TBCEL: variants seen among roughly 807,000 people sequenced by gnomAD.
TBCEL encodes the protein tubulin-specific chaperone cofactor E-like protein.
Under a neutral mutation model 44.2 loss-of-function variants are expected in TBCEL, and 15 were observed. The observed-to-expected ratio is 0.34, with a 90% confidence interval of 0.23 to 0.52. TBCEL has a LOEUF of 0.52. Among genes scored for constraint, TBCEL ranks in the 20% least tolerant of loss-of-function variants. TBCEL has a pLI of 0.95. For synonymous variants in TBCEL, 171 were observed against 185.4 expected (o/e 0.92, Z 0.63); for missense variants, 319 against 506.3 (o/e 0.63, Z 3.55).
chr11:121,048,197 A>C (rs558295043), intron 4 of TBCEL, among the ~76,000 whole-genome samples: 1 of 151,896 alleles, frequency 6.6e-6, no homozygotes, highest in African/African-American at 2.4e-5. Context: ...TTCAATATTT[A>C]TTACTGAAAA....
chr11:121,065,016 C>T (rs961656460), intron 8 of TBCEL, among the ~76,000 whole-genome samples: 2 of 151,856 alleles, frequency 1.3e-5, no homozygotes, highest in Admixed American at 6.6e-5. Context: ...TTAGTGGAGA[C>T]GGGGTTTCAC....
At chr11:121,081,516 C>T (rs1415119430) in intron 8 of TBCEL, among the ~76,000 whole-genome samples, 1 of 152,154 alleles carries the variant, frequency 6.6e-6, no homozygotes, top group Admixed American at 6.5e-5. Flanking sequence ...TCAGAGAATG[C>T]TTAGTCAGCA....
intron 2 of TBCEL, among the ~76,000 whole-genome samples, chr11:121,040,419 T>C (rs1490186271): frequency 1.3e-5 from 2 of 152,272 alleles, no homozygotes; most frequent in East Asian, 1.9e-4. Flanking sequence ...GCTTTGCCCC[T>C]GTGAAAGCCA....
intron 8 of TBCEL, among the ~76,000 whole-genome samples, chr11:121,076,100 T>C (rs1946028308): frequency 6.6e-6 from 1 of 151,956 alleles, no homozygotes; most frequent in Non-Finnish European, 1.5e-5. Context: ...TTATGGTAAC[T>C]GTTCAATTAA....
chr11:121,042,254 T>C (rs924194159), intron 2 of TBCEL, among the ~76,000 whole-genome samples: 1 of 152,224 alleles, frequency 6.6e-6, no homozygotes, highest in Non-Finnish European at 1.5e-5. Flanking sequence ...TGTAACTTCC[T>C]TGGCTTTTTT....
chr11:121,033,121 T>C (rs1945172396), intron 1 of TBCEL, among the ~76,000 whole-genome samples: 2 of 152,242 alleles, frequency 1.3e-5, no homozygotes, highest in Admixed American at 1.3e-4. Flanking sequence ...GATGCCATTA[T>C]GTCAATAAAA....
At chr11:121,081,411 T>C (rs1439138590) in intron 8 of TBCEL, among the ~76,000 whole-genome samples, 1 of 152,258 alleles carries the variant, frequency 6.6e-6, no homozygotes, top group Non-Finnish European at 1.5e-5. Context: ...TATAACACTT[T>C]GCACACTTCA....
intron 1 of TBCEL, among the ~76,000 whole-genome samples, chr11:121,029,260 A>C (rs1437204385): frequency 6.6e-6 from 1 of 152,056 alleles, no homozygotes; most frequent in Non-Finnish European, 1.5e-5. Context: ...TTTTGGAGGG[A>C]AAAACGATTT....
At position 121,064,818 on chromosome 11, in the gene TBCEL, A is replaced by G. The variant is rs142128878; in HGVS notation, c.956+4733A>G. ...AATTATAATCTCCATTATCATACTT[A>G]TTTTCTTTTTAATTTTTTTTTCTTT... On this transcript the variant is annotated intron_variant, in intron 8 of 8. Transcript: ENST00000683345. 2.0e-5 allele frequency among the ~76,000 whole-genome samples: 3 copies of G among 151,840 alleles called. No individual in the cohort carries two copies. In the East Asian group the frequency reaches 5.8e-4, roughly 29 times the overall value.
intron 6 of TBCEL, among the ~76,000 whole-genome samples, chr11:121,056,382 T>C (rs868760200): frequency 7.2e-5 from 11 of 151,950 alleles, no homozygotes; most frequent in African/African-American, 2.2e-4. Flanking sequence ...ACTCACCTAC[T>C]TACTGAAGGA....
intron 1 of TBCEL, chr11:121,035,787 G>A (rs1945220951): frequency 6.6e-6 from 1 of 152,110 alleles, no homozygotes; most frequent in Non-Finnish European, 1.5e-5. Context: ...ATGTATTCAA[G>A]AAAAAGAATC....
chr11:121,087,120 A>G lies in TBCEL; in HGVS notation c.*24A>G. On this transcript the variant is annotated 3_prime_UTR_variant, in exon 9 of 9. Coordinates refer to ENST00000683345, the MANE Select transcript of TBCEL (RefSeq NM_001363644.2). Reference sequence around the variant, plus strand: ...AACCTCTACCAGCCTTGTGAAAAACATACACATAAGGACTTGTTGCAGGGC... The same window carrying G: ...AACCTCTACCAGCCTTGTGAAAAACGTACACATAAGGACTTGTTGCAGGGC... 3.8e-6 allele frequency: 6 copies of G among 1,596,750 alleles called. No homozygotes were observed. Among genetic ancestry groups the G allele is most frequent in the Non-Finnish European group, 4.3e-6 (5 of 1,171,388 alleles).
intron 2 of TBCEL, among the ~76,000 whole-genome samples, chr11:121,040,360 G>A (rs1945309366): frequency 6.6e-6 from 1 of 152,192 alleles, no homozygotes; most frequent in South Asian, 2.1e-4. Flanking sequence ...AACTGTGCAA[G>A]CTGAGGGTAT....
intron 3 of TBCEL, among the ~76,000 whole-genome samples, chr11:121,046,498 G>T (rs1945432026): frequency 6.6e-6 from 1 of 152,140 alleles, no homozygotes; most frequent in African/African-American, 2.4e-5. Flanking sequence ...TACTTTCAAA[G>T]GTTACTGAGT....
At chr11:121,057,568 T>C in intron 6 of TBCEL, 1 of 454,740 alleles carries the variant, frequency 2.2e-6, no homozygotes, top group South Asian at 1.6e-5. Context: ...ATGGACTTCA[T>C]CCATGCATTC....
chr11:121,042,675 A>T (rs145682728), intron 2 of TBCEL, among the ~76,000 whole-genome samples: 1 of 152,180 alleles, frequency 6.6e-6, no homozygotes, highest in South Asian at 2.1e-4. Flanking sequence ...GTGGATGGGC[A>T]TGTGCTCAGT....
intron 8 of TBCEL, among the ~76,000 whole-genome samples, chr11:121,061,959 T>C (rs1945731931): frequency 6.6e-6 from 1 of 152,144 alleles, no homozygotes; most frequent in Non-Finnish European, 1.5e-5. Context: ...TTAAAACGTT[T>C]TGACTCTTTT....
intron 8 of TBCEL, among the ~76,000 whole-genome samples, chr11:121,069,818 A>G (rs1945892810): frequency 6.6e-6 from 1 of 152,110 alleles, no homozygotes; most frequent in Admixed American, 6.6e-5. Flanking sequence ...ATAACTGGGA[A>G]GTAATGATAC....
At chr11:121,057,756 T>C (rs143134210) in intron 6 of TBCEL, 240 of 360,046 alleles carry the variant, frequency 6.7e-4, no homozygotes, top group African/African-American at 4.8e-3. Flanking sequence ...GTGTAAGTTA[T>C]ATGCAAATGC....
Sources: gnomAD v4.1 joint callset for allele counts (sites outside exome capture counted in the v4.1 genomes callset) on GRCh38, gnomAD v4.1.1 for gene constraint, MANE v1.5 for transcripts, NCBI Gene and HGNC (gene_info 2026-07-23, HGNC 2026-07-21) for gene names.